TRMT9B: variants seen among roughly 807,000 people sequenced by gnomAD.
The protein encoded by TRMT9B is probable tRNA methyltransferase 9B.
Under a neutral mutation model 11.5 loss-of-function variants are expected in TRMT9B, and 16 were observed. That is an observed-to-expected ratio of 1.39 (90% CI 0.94 to 2.11). TRMT9B has a LOEUF of 2.11. TRMT9B is among the 30% of genes most tolerant of loss of function. The pLI is 0.00. For synonymous variants in TRMT9B, 274 were observed against 192.4 expected (o/e 1.42, Z -3.51); for missense variants, 941 against 553.8 (o/e 1.70, Z -7.02).
chr8:12,978,021 C>T, intron 1 of TRMT9B, among the ~76,000 whole-genome samples: 1 of 151,976 alleles, frequency 6.6e-6, no homozygotes, highest in East Asian at 1.9e-4. Flanking sequence ...AGAGCGAGAC[C>T]CTGTCTCCAA....
chr8:12,982,420 G>A (rs771394134), intron 1 of TRMT9B, among the ~76,000 whole-genome samples: 1 of 152,176 alleles, frequency 6.6e-6, no homozygotes, highest in Non-Finnish European at 1.5e-5. Context: ...CCAGCAGTTT[G>A]GGATGCCGAG....
rs541467382 is a variant in TRMT9B at position 13,010,913 on chromosome 8, C to T, written c.155-1771C>T. The T allele has an allele frequency of 1.8e-5, 17 of 932,926 alleles. No homozygotes were observed. The South Asian group carries it at 2.5e-4, about 14-fold the overall frequency. The allele number at this position is 932,926 out of a possible 1,614,324, so 57.8% of individuals were successfully genotyped here. A position where few individuals can be genotyped will look rare whatever the true frequency, so the allele number is the denominator to read the frequency against. On this transcript the variant is annotated intron_variant, in intron 3 of 4. Coordinates refer to ENST00000524591, the MANE Select transcript of TRMT9B (RefSeq NM_020844.3). Reference sequence around the variant, plus strand: ...ATCATTATTGGGAACAGTGTGGCTACGAGATCAAAGAAATAATATCATAGA... The same window carrying T: ...ATCATTATTGGGAACAGTGTGGCTATGAGATCAAAGAAATAATATCATAGA...
chr8:13,016,532 A>G (rs1235720380), intron 4 of TRMT9B, among the ~76,000 whole-genome samples: 2 of 151,618 alleles, frequency 1.3e-5, no homozygotes, highest in South Asian at 2.1e-4. Context: ...ATATATAAGT[A>G]TATATATATT....
chr8:13,008,570 G>T (rs886425084), intron 3 of TRMT9B, among the ~76,000 whole-genome samples: 4 of 152,124 alleles, frequency 2.6e-5, no homozygotes, highest in African/African-American at 9.7e-5. Context: ...TATGGAAGCT[G>T]TAATTTATGA....
intron 3 of TRMT9B, chr8:13,012,330 A>G: frequency 5.2e-6 from 5 of 963,742 alleles, no homozygotes; most frequent in Non-Finnish European, 6.2e-6. Flanking sequence ...TAATCCCAGC[A>G]CTTTGGGAGG....
At chr8:12,963,433 AAAAAC>A (rs1401110762) in intron 1 of TRMT9B, among the ~76,000 whole-genome samples, 1 of 152,068 alleles carries the variant, frequency 6.6e-6, no homozygotes, top group Non-Finnish European at 1.5e-5. Context: ...ACTTTGTCAC[AAAAAC>A]AAAACAAAAC....
intron 1 of TRMT9B, among the ~76,000 whole-genome samples, chr8:12,971,924 C>T (rs11203989): frequency 0.049 from 7,440 of 151,984 alleles, 224 homozygotes; most frequent in South Asian, 0.1. Context: ...CCAAAAAAAA[C>T]CCTAATTTCA....
In TRMT9B at chr8:13,029,560, C is replaced by G. The variant is rs1284522220; in HGVS notation, c.*7516C>G. 1 of 166,466 alleles carries G rather than the reference C, an allele frequency of 6.0e-6. No individual in the cohort carries two copies. Among genetic ancestry groups the G allele is most frequent in the Non-Finnish European group, 1.5e-5 (1 of 68,112 alleles). The allele number at this position is 166,466 out of a possible 1,614,324, so 10.3% of individuals were successfully genotyped here. On this transcript the variant is annotated 3_prime_UTR_variant, in exon 5 of 5. Coordinates refer to ENST00000524591, the MANE Select transcript of TRMT9B (RefSeq NM_020844.3). Reference sequence around the variant, plus strand: ...GTGAACAAAAGTTTGCTTTTCTTCACCATTCTGTACAGGACAAGCATTATT... The same window carrying G: ...GTGAACAAAAGTTTGCTTTTCTTCAGCATTCTGTACAGGACAAGCATTATT...
At chr8:12,968,818 A>G (rs1231713982) in intron 1 of TRMT9B, among the ~76,000 whole-genome samples, 2 of 152,206 alleles carry the variant, frequency 1.3e-5, no homozygotes, top group Non-Finnish European at 2.9e-5. Flanking sequence ...GCTGTTCATT[A>G]TCTACACAGG....
chr8:13,021,416 C>A lies in TRMT9B; in HGVS notation c.737C>A (p.Ser246Ter). 6.2e-7 allele frequency: 1 copy of A among 1,614,018 alleles called. No homozygotes were observed. Among genetic ancestry groups the A allele is most frequent in the Non-Finnish European group, 8.5e-7 (1 of 1,179,896 alleles). The change falls in exon 5 of 5, where the codon TCG becomes TAG. Residue 246 changes from serine (S) to a stop codon, truncating the protein, a stop_gained. Transcript: ENST00000524591. LOFTEE classifies it low-confidence loss of function (END_TRUNC). ...EYGFYSTLGKSFRSWFFSRSL... is the reference protein window; with the variant it reads ...EYGFYSTLGK ...GGATTTTACAGCACATTAGGAAAAT[C>A]GTTTCGTTCCTGGTTTTTCTCCAGA...
At chr8:12,948,354 A>C (rs1800366199) in intron 1 of TRMT9B, among the ~76,000 whole-genome samples, 2 of 150,428 alleles carry the variant, frequency 1.3e-5, no homozygotes, top group South Asian at 4.2e-4. Context: ...CTTTCAAATC[A>C]TCATAAAGTT....
chr8:13,020,408 AATG>A (rs1318776702), intron 4 of TRMT9B, among the ~76,000 whole-genome samples: 1 of 152,208 alleles, frequency 6.6e-6, no homozygotes, highest in Non-Finnish European at 1.5e-5. Context: ...TTGGAAGTAA[AATG>A]ATGATGTATA....
intron 2 of TRMT9B, among the ~76,000 whole-genome samples, chr8:12,997,568 T>C (rs10104432): frequency 0.025 from 3,789 of 152,280 alleles, 160 homozygotes; most frequent in African/African-American, 0.087. Flanking sequence ...TTGCATATGG[T>C]TGCAAACTTC....
intron 3 of TRMT9B, among the ~76,000 whole-genome samples, chr8:13,010,000 A>T (rs892811662): frequency 1.3e-5 from 2 of 152,034 alleles, no homozygotes; most frequent in African/African-American, 4.8e-5. Context: ...TTAGCTAAGC[A>T]TGATACACGT....
chr8:13,015,131 T>C (rs1159530487), intron 4 of TRMT9B, among the ~76,000 whole-genome samples: 1 of 151,830 alleles, frequency 6.6e-6, no homozygotes, highest in Non-Finnish European at 1.5e-5. Flanking sequence ...TGTGGACTGC[T>C]TGGTCTTCTT....
In TRMT9B at chr8:13,006,093, A is replaced by T. The variant is rs187606399; in HGVS notation, c.-1-109A>T. 12 of 982,218 alleles carry T rather than the reference A, an allele frequency of 1.2e-5. No individual in the cohort carries two copies. The East Asian group carries it at 3.1e-4, about 25-fold the overall frequency. 60.8% of individuals were successfully genotyped at this position (982,218 alleles called of 1,614,324 possible). A position where few individuals can be genotyped will look rare whatever the true frequency, so the allele number is the denominator to read the frequency against. On this transcript the variant is annotated intron_variant, in intron 2 of 4. Transcript: ENST00000524591. ...GCTTATAAGAAAGTGTGCAAACAGC[A>T]TGAGTTTGCAGTTGTAGGCTCCAGA...
intron 2 of TRMT9B, among the ~76,000 whole-genome samples, chr8:12,992,185 C>G (rs772318564): frequency 2.6e-5 from 4 of 152,160 alleles, no homozygotes; most frequent in Non-Finnish European, 5.9e-5. Flanking sequence ...TCTGCACTAT[C>G]CTAGGCTCTA....
chr8:13,000,170 AC>A (rs1809153871), intron 2 of TRMT9B, among the ~76,000 whole-genome samples: 1 of 152,168 alleles, frequency 6.6e-6, no homozygotes. Flanking sequence ...GGGATAGGGA[AC>A]TTGGAAAGCA....
At chr8:12,987,094 C>G (rs559085044) in intron 1 of TRMT9B, among the ~76,000 whole-genome samples, 1 of 152,300 alleles carries the variant, frequency 6.6e-6, no homozygotes. Flanking sequence ...TCCTTGCCTC[C>G]CTTTCTCCTC....
Sources: allele counts gnomAD v4.1 joint callset (sites outside exome capture counted in the v4.1 genomes callset), GRCh38; gene constraint gnomAD v4.1.1; transcripts MANE v1.5; gene names NCBI Gene and HGNC (gene_info 2026-07-23, HGNC 2026-07-21).